The following ESRP1 variants were observed in gnomAD, a reference collection of about 807,000 sequenced individuals.
ESRP1 encodes epithelial splicing regulatory protein 1.
ESRP1 carries 33 observed loss-of-function variants against 81.7 expected under a neutral mutation model. The ratio of observed to expected loss-of-function variants is 0.40; its 90% CI spans 0.31 to 0.54. ESRP1 has a LOEUF of 0.54. Among genes scored for constraint, ESRP1 ranks in the 20% least tolerant of loss-of-function variants. The pLI is 0.41. For missense variants in ESRP1, 672 were observed against 833.1 expected, an observed-to-expected ratio of 0.81 and a Z score of 2.38; for synonymous variants, 320 against 303.3, an observed-to-expected ratio of 1.06 and a Z score of -0.57.
intron 13 of ESRP1, among the ~76,000 whole-genome samples, chr8:94,681,196 G>T (rs1354516511): frequency 1.3e-5 from 2 of 151,626 alleles, no homozygotes; most frequent in Non-Finnish European, 2.9e-5. Context: ...CGTGGTGATG[G>T]GTGCCTATAG....
At chr8:94,656,078 T>C (rs373437332) in intron 4 of ESRP1, 3 of 151,134 alleles carry the variant, frequency 2.0e-5, no homozygotes, top group East Asian at 1.9e-4. Context: ...GAGGGTTGCC[T>C]AAGGTGGGGT....
At position 94,705,903 on chromosome 8, in the gene ESRP1, C is replaced by CTT. The variant is rs55760931; in HGVS notation, c.*36-5_*36-4dup. On this transcript the variant is annotated intron_variant, in intron 15 of 15. Transcript: ENST00000433389. The stretch of plus-strand genomic sequence containing the variant: ...AGACTATAACATTTCCTTTTATTCA[C>CTT]TTTTTTTTTTTTTTTTTTCAGTGTT... 3,614 of 1,364,730 alleles carry CTT rather than the reference C, an allele frequency of 2.6e-3. No individual in the cohort carries two copies. The highest frequency in any genetic ancestry group is 9.7e-3 in the South Asian group (670 of 69,046). 84.5% of individuals were successfully genotyped at this position (1,364,730 alleles called of 1,614,324 possible).
intron 4 of ESRP1, among the ~76,000 whole-genome samples, chr8:94,652,589 C>A (rs1490880389): frequency 6.6e-6 from 1 of 152,026 alleles, no homozygotes; most frequent in African/African-American, 2.4e-5. Context: ...CTTTTAAACC[C>A]ATTTTTTTCC....
intron 9 of ESRP1, among the ~76,000 whole-genome samples, chr8:94,667,444 A>T (rs2130625493): frequency 6.6e-6 from 1 of 151,976 alleles, no homozygotes; most frequent in African/African-American, 2.4e-5. Context: ...TTAAAAAAAA[A>T]AAAGGTAATT....
At chr8:94,642,907 C>T (rs1817684782) in intron 2 of ESRP1, among the ~76,000 whole-genome samples, 1 of 152,146 alleles carries the variant, frequency 6.6e-6, no homozygotes, top group Non-Finnish European at 1.5e-5. Context: ...TACCCAATAC[C>T]CGTATTTGTT....
intron 4 of ESRP1, among the ~76,000 whole-genome samples, chr8:94,648,553 A>G (rs1270961847): frequency 6.6e-6 from 1 of 152,246 alleles, no homozygotes. Flanking sequence ...CCGTTCTTTC[A>G]GAGCATTAAA....
chr8:94,643,281 T>C, intron 2 of ESRP1, 22 bp from the exon 3 acceptor site: 1 of 1,480,166 alleles, frequency 6.8e-7, no homozygotes, highest in Non-Finnish European at 9.5e-7. Context: ...GTTGCATCCC[T>C]ATGTGTATCT....
chr8:94,702,855 G>C (rs1422658155), intron 15 of ESRP1, among the ~76,000 whole-genome samples: 2 of 152,164 alleles, frequency 1.3e-5, no homozygotes, highest in Non-Finnish European at 2.9e-5. Context: ...CCTGGCTGTA[G>C]AATTGCAGGG....
At chr8:94,657,465 CTGTGTGCGTGTGTGTG>C (rs2130585444) in intron 4 of ESRP1, among the ~76,000 whole-genome samples, 1 of 97,966 alleles carries the variant, frequency 1.0e-5, no homozygotes, top group Non-Finnish European at 2.1e-5. Flanking sequence ...CCTATTGAGG[CTGTGTGCGTGTGTGTG>C]TGTGTGTGTG....
At chr8:94,656,189 A>G (rs1040709209) in intron 4 of ESRP1, 3 of 149,524 alleles carry the variant, frequency 2.0e-5, no homozygotes, top group East Asian at 2.0e-4. Flanking sequence ...CCTAGGCTAC[A>G]TAGCAGGACC....
rs1044345437 is a variant in ESRP1, at chr8:94,656,228, A to C, written c.491-6044A>C. ...GTCTCAAAAAAAAAAAAAAAAAAAA[A>C]ATTTTTTTGAGACGGAGTCATCGTC... On this transcript the variant is annotated intron_variant, in intron 4 of 15. Transcript: ENST00000433389. 4.8e-5 allele frequency: 7 copies of C among 144,720 alleles called. No homozygotes were observed. In the South Asian group the frequency reaches 6.7e-4, roughly 14 times the overall value. 9.0% of individuals were successfully genotyped at this position (144,720 alleles called of 1,614,324 possible).
intron 4 of ESRP1, among the ~76,000 whole-genome samples, chr8:94,657,472 C>CGTGTGCGT (rs1554576342): frequency 4.8e-4 from 70 of 146,154 alleles, no homozygotes; most frequent in African/African-American, 1.7e-3. Context: ...AGGCTGTGTG[C>CGTGTGCGT]GTGTGTGTGT....
chr8:94,641,633 C>G, intron 1 of ESRP1, 183 bp downstream of exon 1: 1 of 857,422 alleles, frequency 1.2e-6, no homozygotes. Context: ...GCCTTGGAGC[C>G]ATTTCAGTCC....
intron 15 of ESRP1, among the ~76,000 whole-genome samples, chr8:94,697,257 T>C (rs1809641336): frequency 6.6e-6 from 1 of 152,216 alleles, no homozygotes; most frequent in Non-Finnish European, 1.5e-5. Flanking sequence ...TTTTTTTAAT[T>C]GAGGTAAAAA....
intron 4 of ESRP1, 109 bp downstream of exon 4, chr8:94,646,391 G>T: frequency 1.5e-6 from 1 of 686,742 alleles, no homozygotes; most frequent in South Asian, 2.2e-5. Flanking sequence ...GATAAAATTG[G>T]CCTATCCAAA....
At position 94,696,845 on chromosome 8, in the gene ESRP1, AT is replaced by A; in HGVS notation, c.1972-3del. ...TTTGATCTTGTTTGTTTTAACTTGC[AT>A]TTTAGTATGCAACCGAGGATGGACT... is the stretch of plus-strand genomic sequence containing the variant. On this transcript the variant is annotated splice_region_variant and splice_polypyrimidine_tract_variant and intron_variant, in intron 14 of 15. Transcript: ENST00000433389. 1.3e-6 allele frequency: 2 copies of A among 1,570,418 alleles called. No homozygotes were observed. Among genetic ancestry groups the A allele is most frequent in the African/African-American group, 1.4e-5 (1 of 73,942 alleles).
rs373440584 is a variant in ESRP1 at position 94,690,276 on chromosome 8, ATTTTTTTT to A, written c.1821-2380_1821-2373del. On this transcript the variant is annotated intron_variant, in intron 13 of 15. Transcript: ENST00000433389. ...AGGCATGAGCTACAATGCCTGGCTAATTTTTTTTTTTTTTTTTTTTTTTTTTTTGGATT... is the reference window on the plus strand; with the variant it reads ...AGGCATGAGCTACAATGCCTGGCTAATTTTTTTTTTTTTTTTTTTTGGATT... Among the ~76,000 whole-genome samples the A allele has an allele frequency of 4.4e-4, 27 of 61,370 alleles. 1 individual carries two copies. Among genetic ancestry groups the A allele is most frequent in the African/African-American group, 1.4e-3 (21 of 14,838 alleles). 40.3% of individuals were successfully genotyped at this position (61,370 alleles called of 152,430 possible). A position where few individuals can be genotyped will look rare whatever the true frequency, so the allele number is the denominator to read the frequency against.
At chr8:94,678,758 G>A (rs1464761184) in intron 13 of ESRP1, among the ~76,000 whole-genome samples, 1 of 152,218 alleles carries the variant, frequency 6.6e-6, no homozygotes, top group African/African-American at 2.4e-5. Context: ...TTATGGCACA[G>A]TGAATAAAAA....
At position 94,641,271 on chromosome 8, in the gene ESRP1, C is replaced by T; in HGVS notation, c.-48C>T. ...GGTTTTTTCGTTCTCACTTCCACAC[C>T]ACCTTACCGCCTCCCGACCCCCCCT... On this transcript the variant is annotated 5_prime_UTR_variant, in exon 1 of 16. Transcript: ENST00000433389. 6.3e-7 allele frequency: 1 copy of T among 1,583,134 alleles called. No individual in the cohort carries two copies. The highest frequency in any genetic ancestry group is 8.6e-7 in the Non-Finnish European group (1 of 1,160,618).
Sources: gnomAD v4.1 joint callset for allele counts (sites outside exome capture counted in the v4.1 genomes callset) on GRCh38, gnomAD v4.1.1 for gene constraint, MANE v1.5 for transcripts, NCBI Gene and HGNC (gene_info 2026-07-23, HGNC 2026-07-21) for gene names.